The following LARGE1 variants were observed in gnomAD, a reference collection of about 807,000 sequenced individuals.
LARGE1 encodes the protein LARGE xylosyl- and glucuronyltransferase 1, also known as xylosyl- and glucuronyltransferase LARGE1.
In LARGE1, 43 loss-of-function variants were observed where a neutral mutation model predicts 87.6. The ratio of observed to expected loss-of-function variants is 0.49; its 90% CI spans 0.38 to 0.63. LARGE1 has a LOEUF of 0.63. LARGE1 is among the 30% of genes least tolerant of loss of function. The pLI is 0.00. For missense variants in LARGE1, 802 were observed against 1,000.2 expected, an observed-to-expected ratio of 0.80 and a Z score of 2.67; for synonymous variants, 434 against 394.6, an observed-to-expected ratio of 1.10 and a Z score of -1.18.
intron 9 of LARGE1, among the ~76,000 whole-genome samples, chr22:33,343,549 G>C (rs130252): frequency 0.27 from 41,284 of 151,990 alleles, 7,161 homozygotes; most frequent in East Asian, 0.72. Context: ...TAGCTCTCAC[G>C]TTTCCTCAGT....
chr22:33,113,290 C>T, the LARGE1 span, among the ~76,000 whole-genome samples: 1 of 151,466 alleles, frequency 6.6e-6, no homozygotes, highest in African/African-American at 2.4e-5. Flanking sequence ...TCACCACAAC[C>T]TCTGCCTCCC....
intron 9 of LARGE1, among the ~76,000 whole-genome samples, chr22:33,359,275 T>C (rs529516888): frequency 4.7e-4 from 72 of 152,276 alleles, no homozygotes; most frequent in African/African-American, 1.5e-3. Flanking sequence ...AGTTGGAATC[T>C]CAGCTCTGTC....
the LARGE1 span, among the ~76,000 whole-genome samples, chr22:33,097,275 A>C: frequency 3.3e-5 from 5 of 152,044 alleles, no homozygotes; most frequent in African/African-American, 1.2e-4. Context: ...GAGGTCAGGA[A>C]GTCTGGAGGA....
At chr22:33,437,348 C>T (rs1466026246) in intron 6 of LARGE1, among the ~76,000 whole-genome samples, 1 of 152,162 alleles carries the variant, frequency 6.6e-6, no homozygotes, top group East Asian at 1.9e-4. Flanking sequence ...AGCCAGACGC[C>T]TGGGCTCAAA....
At chr22:33,876,401 G>C (rs1037439625) in intron 1 of LARGE1, among the ~76,000 whole-genome samples, 2 of 152,118 alleles carry the variant, frequency 1.3e-5, no homozygotes, top group Non-Finnish European at 2.9e-5. Flanking sequence ...CGGGTCACTG[G>C]TAATGTCCTA....
At chr22:33,412,268 G>C (rs1348984966) in intron 7 of LARGE1, among the ~76,000 whole-genome samples, 1 of 151,670 alleles carries the variant, frequency 6.6e-6, no homozygotes, top group Non-Finnish European at 1.5e-5. Flanking sequence ...TGGGTGACAA[G>C]AGTGAGACTC....
intron 1 of LARGE1, among the ~76,000 whole-genome samples, chr22:33,813,255 A>G (rs1018594805): frequency 1.8e-4 from 13 of 70,662 alleles, no homozygotes; most frequent in Non-Finnish European, 3.9e-4. Context: ...CCGTCTCAAG[A>G]AAAAAAAAAA....
chr22:33,354,050 C>T (rs1940658823), intron 9 of LARGE1, among the ~76,000 whole-genome samples: 1 of 152,174 alleles, frequency 6.6e-6, no homozygotes, highest in African/African-American at 2.4e-5. Flanking sequence ...AAGCAAAGGA[C>T]ATGTAAGAGA....
chr22:33,636,125 A>G (rs1188452537), intron 3 of LARGE1, among the ~76,000 whole-genome samples: 1 of 152,238 alleles, frequency 6.6e-6, no homozygotes, highest in Non-Finnish European at 1.5e-5. Context: ...TAAAGAGCAT[A>G]GCCACCTGAG....
In LARGE1 at chr22:33,650,579, C is replaced by G; in HGVS notation, c.196G>C (p.Glu66Gln). ...TCCTCCACCTCGCGCATGCGCACCT[C>G]CAGGCTCTCGCGCTCCCGCTGGCTG... ...ASSQRERESL[E>Q]VRMREVEEEN... is the part of the protein sequence containing the mutation. Residue 66 changes from glutamate to glutamine, a missense_variant, in exon 3 of 15, where the codon GAG (glutamate) becomes CAG (glutamine). By Grantham distance (29) the Glu-to-Gln change is conservative (BLOSUM62 2). Coordinates refer to ENST00000397394, the MANE Select transcript of LARGE1 (RefSeq NM_133642.5). The G allele has an allele frequency of 2.5e-6, 4 of 1,606,874 alleles. No individual in the cohort carries two copies. The highest frequency in any genetic ancestry group is 3.4e-6 in the Non-Finnish European group (4 of 1,179,922).
intron 12 of LARGE1, among the ~76,000 whole-genome samples, chr22:33,284,240 G>A (rs1175945995): frequency 6.6e-6 from 1 of 152,222 alleles, no homozygotes; most frequent in Non-Finnish European, 1.5e-5. Context: ...GGCCGCACCA[G>A]AGCAGGTGGA....
intron 6 of LARGE1, among the ~76,000 whole-genome samples, chr22:33,508,716 G>A (rs545035830): frequency 1.3e-5 from 2 of 152,232 alleles, no homozygotes; most frequent in Middle Eastern, 3.4e-3. Flanking sequence ...TACCCCAACA[G>A]AACAATCTCA....
chr22:33,503,159 G>A (rs773444758), intron 6 of LARGE1, among the ~76,000 whole-genome samples: 10 of 152,166 alleles, frequency 6.6e-5, no homozygotes, highest in East Asian at 1.9e-4. Context: ...CACCAAAGAC[G>A]TGATTTCTTT....
intron 2 of LARGE1, among the ~76,000 whole-genome samples, chr22:33,697,549 C>CAAAAA (rs3072289): frequency 0.094 from 5,071 of 54,044 alleles, 327 homozygotes; most frequent in Non-Finnish European, 0.12. Context: ...GACTCTGTCC[C>CAAAAA]AAAAAAAAAA....
chr22:33,617,860 G>T (rs1338173719), intron 4 of LARGE1, among the ~76,000 whole-genome samples: 1 of 152,176 alleles, frequency 6.6e-6, no homozygotes, highest in Non-Finnish European at 1.5e-5. Context: ...CTGCTCCCTT[G>T]TTCCAGGCTG....
chr22:33,477,312 G>T (rs1436847446), intron 6 of LARGE1, among the ~76,000 whole-genome samples: 2 of 152,298 alleles, frequency 1.3e-5, no homozygotes, highest in Non-Finnish European at 2.9e-5. Context: ...CAGTTATAAG[G>T]AATGGGGAAT....
At chr22:33,304,624 C>T (rs991844644) in intron 11 of LARGE1, 117 bp from the exon 12 acceptor site, 2 of 1,118,312 alleles carry the variant, frequency 1.8e-6, no homozygotes, top group Non-Finnish European at 2.5e-6. Context: ...GGATCAAATC[C>T]CTGCTTTCAA....
At chr22:33,761,105 T>C (rs2084713953) in intron 2 of LARGE1, among the ~76,000 whole-genome samples, 1 of 152,074 alleles carries the variant, frequency 6.6e-6, no homozygotes, top group East Asian at 1.9e-4. Context: ...TCTCCCATTA[T>C]CGACAAAGTA....
At chr22:33,738,844 CAAAA>C (rs546110880) in intron 2 of LARGE1, among the ~76,000 whole-genome samples, 2 of 74,328 alleles carry the variant, frequency 2.7e-5, no homozygotes, top group African/African-American at 9.6e-5. Flanking sequence ...GACTCCGTCT[CAAAA>C]AAAAAAAAAA....
Sources: gnomAD v4.1 joint callset for allele counts (sites outside exome capture counted in the v4.1 genomes callset) on GRCh38, gnomAD v4.1.1 for gene constraint, MANE v1.5 for transcripts, NCBI Gene and HGNC (gene_info 2026-07-23, HGNC 2026-07-21) for gene names.